The following NCKAP5L variants were observed in gnomAD, a reference collection of about 807,000 sequenced individuals.
The protein encoded by NCKAP5L is NCK associated protein 5 like, also known as nck-associated protein 5-like.
In NCKAP5L, 54 loss-of-function variants were observed where a neutral mutation model predicts 103.2. That is an observed-to-expected ratio of 0.52 (90% confidence interval 0.42 to 0.66). The LOEUF (loss-of-function observed/expected upper bound fraction) is 0.66. Ranked by LOEUF, NCKAP5L falls within the 30% of genes least tolerant of loss-of-function variation. The pLI is 0.00. For missense variants in NCKAP5L, 1,733 were observed against 1,750.6 expected (o/e 0.99, Z 0.18); for synonymous variants, 762 against 748.6 (o/e 1.02, Z -0.29).
Position 49,793,856 on chromosome 12 carries a change from G to A in NCKAP5L, c.3136C>T (p.Pro1046Ser), listed in dbSNP as rs1248390534. The A allele has an allele frequency of 6.4e-7, 1 of 1,569,830 alleles. No homozygotes were observed. Among genetic ancestry groups the A allele is most frequent in the South Asian group, 1.2e-5 (1 of 84,658 alleles). Reference sequence around the variant, plus strand: ...TGGAAATCCCCGTACTCAGGCTTGGGCTCCCGCCAGCTCTTGGATGGCAGC... The same window carrying A: ...TGGAAATCCCCGTACTCAGGCTTGGACTCCCGCCAGCTCTTGGATGGCAGC... ...KELPSKSWRE[P>S]KPEYGDFQPV... is the part of the protein sequence containing the mutation. The change falls in exon 9 of 13, where the codon CCC becomes TCC. Residue 1046 changes from proline to serine, a missense_variant. Transcript: ENST00000335999.
intron 2 of NCKAP5L, 81 bp from the exon 3 acceptor site, chr12:49,804,161 G>T: frequency 2.2e-6 from 3 of 1,366,640 alleles, no homozygotes; most frequent in Non-Finnish European, 2.0e-6. Context: ...TTAGGTCAGT[G>T]TGACCTATAT....
intron 1 of NCKAP5L, among the ~76,000 whole-genome samples, chr12:49,818,415 GCAAT>G (rs111922626): frequency 0.37 from 56,232 of 151,722 alleles, 10,672 homozygotes; most frequent in South Asian, 0.46. Flanking sequence ...TTGCAGTGGT[GCAAT>G]CAATCATGGC....
intron 6 of NCKAP5L, among the ~76,000 whole-genome samples, chr12:49,800,745 A>G (rs887873810): frequency 6.6e-6 from 1 of 152,246 alleles, no homozygotes; most frequent in African/African-American, 2.4e-5. Context: ...TGCTCTTTCC[A>G]TTATGTCATG....
chr12:49,807,272 T>C (rs1247962022), intron 1 of NCKAP5L, among the ~76,000 whole-genome samples: 1 of 152,106 alleles, frequency 6.6e-6, no homozygotes, highest in African/African-American at 2.4e-5. Context: ...TGTGTGTGTG[T>C]GTACACAACA....
At chr12:49,823,314 G>T (rs1213157940) in intron 1 of NCKAP5L, among the ~76,000 whole-genome samples, 1 of 152,048 alleles carries the variant, frequency 6.6e-6, no homozygotes, top group Non-Finnish European at 1.5e-5. Flanking sequence ...GGTTCTGGGG[G>T]TGTCTGAACA....
chr12:49,824,739 C>G (rs1399224851), intron 1 of NCKAP5L, among the ~76,000 whole-genome samples: 1 of 152,250 alleles, frequency 6.6e-6, no homozygotes, highest in Non-Finnish European at 1.5e-5. Flanking sequence ...CAGACAAAAT[C>G]TAAGCTCCTG....
At chr12:49,801,801 G>T in intron 6 of NCKAP5L, 47 bp downstream of exon 6, 1 of 1,607,530 alleles carries the variant, frequency 6.2e-7, no homozygotes, top group African/African-American at 1.3e-5. Context: ...TGGAGCCGAG[G>T]AGGCAGGAGG....
chr12:49,824,340 G>C (rs1946393147), intron 1 of NCKAP5L, among the ~76,000 whole-genome samples: 1 of 152,226 alleles, frequency 6.6e-6, no homozygotes. Context: ...AAGTGGGAGT[G>C]GGGAGCACCT....
In NCKAP5L at chr12:49,797,544, G is replaced by T. The variant is rs1946072122; in HGVS notation, c.466-150C>A. On this transcript the variant is annotated intron_variant, in intron 7 of 12. Coordinates refer to ENST00000335999, the MANE Select transcript of NCKAP5L (RefSeq NM_001037806.4). This position sits in a 1 kb window ranked among gnomAD's most constrained non-coding sequence, Gnocchi z 4.5. ...CCCCAAAAGGAATTAACAGCAACTG[G>T]GATATGATGGTTCCGCTTCCTCAAG... The T allele has an allele frequency of 7.9e-6, 5 of 635,298 alleles. No homozygotes were observed. The highest frequency in any genetic ancestry group is 7.8e-5 in the South Asian group (4 of 50,956). The allele number at this position is 635,298 out of a possible 1,614,324, so 39.4% of individuals were successfully genotyped here.
intron 1 of NCKAP5L, among the ~76,000 whole-genome samples, chr12:49,808,204 G>T (rs886709546): frequency 6.6e-6 from 1 of 152,222 alleles, no homozygotes; most frequent in African/African-American, 2.4e-5. Context: ...AGGCCAGGAG[G>T]CCCGAGTTCC....
chr12:49,802,073 C>T (rs751271284), intron 5 of NCKAP5L, 106 bp from the exon 6 acceptor site: 6 of 1,374,972 alleles, frequency 4.4e-6, no homozygotes, highest in Non-Finnish European at 5.9e-6. Context: ...CCCCAGGACC[C>T]TTCTGGGCAC....
intron 6 of NCKAP5L, among the ~76,000 whole-genome samples, chr12:49,800,546 A>G (rs1318040544): frequency 6.6e-6 from 1 of 152,260 alleles, no homozygotes; most frequent in African/African-American, 2.4e-5. Flanking sequence ...CTGACTGACT[A>G]TCTACTGTGG....
chr12:49,803,196 AG>A, intron 3 of NCKAP5L, 31 bp from the exon 4 acceptor site: 2 of 1,612,244 alleles, frequency 1.2e-6, no homozygotes, highest in Non-Finnish European at 1.7e-6. Flanking sequence ...GAGGGCAAAA[AG>A]GTGGCTTTGG....
intron 1 of NCKAP5L, among the ~76,000 whole-genome samples, chr12:49,822,181 G>A (rs1405054502): frequency 6.6e-6 from 1 of 152,102 alleles, no homozygotes; most frequent in South Asian, 2.1e-4. Flanking sequence ...CAGAAAGCTG[G>A]CCCTCACCAG....
At position 49,794,613 on chromosome 12, in the gene NCKAP5L, A is replaced by ACC. The variant is rs1027615398; in HGVS notation, c.3095+150_3095+151dup. Among the ~76,000 whole-genome samples the ACC allele has an allele frequency of 7.3e-5, 5 of 68,074 alleles. 1 individual carries two copies. Among genetic ancestry groups the ACC allele is most frequent in the Admixed American group, 5.3e-4 (5 of 9,346 alleles). The allele number at this position is 68,074 out of a possible 152,430, so 44.7% of individuals were successfully genotyped here. A position where few individuals can be genotyped will look rare whatever the true frequency, so the allele number is the denominator to read the frequency against. Reference sequence around the variant, plus strand: ...TCCAGGCCAAGTCACTGACCCCCCCACCAGCTGCTTTGGTGGCCTTCTATC... The same window carrying ACC: ...TCCAGGCCAAGTCACTGACCCCCCCACCCCAGCTGCTTTGGTGGCCTTCTATC... On this transcript the variant is annotated intron_variant, in intron 8 of 12. Transcript: ENST00000335999.
At chr12:49,793,972 T>C in intron 8 of NCKAP5L, 76 bp from the exon 9 acceptor site, 1 of 1,338,794 alleles carries the variant, frequency 7.5e-7, no homozygotes, top group Non-Finnish European at 9.7e-7. Context: ...CCGCCAATGG[T>C]GCTGGGCTTA....
Position 49,792,098 on chromosome 12 carries a change from G to C in NCKAP5L, c.3793-47C>G, listed in dbSNP as rs776878683. On this transcript the variant is annotated intron_variant, in intron 12 of 12. Coordinates refer to ENST00000335999, the MANE Select transcript of NCKAP5L (RefSeq NM_001037806.4). This position sits in a 1 kb window ranked among gnomAD's most constrained non-coding sequence, Gnocchi z 4.5. ...GGGAGGAAGCTCCTCTCCACCTTTC[G>C]GCCCAGCCTCAGAGGCACTGAGCTC... 6.9e-7 allele frequency: 1 copy of C among 1,450,100 alleles called. No individual in the cohort carries two copies. Among genetic ancestry groups the C allele is most frequent in the Non-Finnish European group, 9.1e-7 (1 of 1,097,438 alleles). The allele number at this position is 1,450,100 out of a possible 1,614,324, so 89.8% of individuals were successfully genotyped here.
chr12:49,794,942 G>A lies in NCKAP5L; in HGVS notation c.2918C>T (p.Ala973Val). ...TGCCCGACGCAGGTCTTCCGCCTTG[G>A]CCATCAGCTTGGAGATGTTGAGGCT... ...AESLNISKLM[A>V]KAEDLRRALE... is the part of the protein sequence containing the mutation. Residue 973 changes from alanine (A) to valine (V), a missense_variant, in exon 8 of 13, where the codon GCC (alanine) becomes GTC (valine). By Grantham distance (64) the Ala-to-Val change is moderately conservative. Transcript: ENST00000335999. 1 of 1,575,878 alleles carries A rather than the reference G, an allele frequency of 6.3e-7. No individual in the cohort carries two copies. Among genetic ancestry groups the A allele is most frequent in the Non-Finnish European group, 8.6e-7 (1 of 1,161,804 alleles).
intron 1 of NCKAP5L, among the ~76,000 whole-genome samples, chr12:49,816,556 T>C (rs529115994): frequency 6.7e-4 from 100 of 148,604 alleles, no homozygotes; most frequent in African/African-American, 2.1e-3. Context: ...TCCCAGCACT[T>C]TGGGAGGCCA....
Sources: allele counts gnomAD v4.1 joint callset (sites outside exome capture counted in the v4.1 genomes callset), GRCh38; gene constraint gnomAD v4.1.1; non-coding constraint Gnocchi (gnomAD v3.1); transcripts MANE v1.5; gene names NCBI Gene and HGNC (gene_info 2026-07-23, HGNC 2026-07-21).